Variants in ENO4 observed in about 807,000 individuals in gnomAD.
ENO4 encodes enolase 4.
A neutral mutation model predicts 63.2 loss-of-function variants in ENO4; 53 were observed. The ratio of observed to expected loss-of-function variants is 0.84; its 90% CI spans 0.67 to 1.05. The LOEUF (loss-of-function observed/expected upper bound fraction) is 1.05, where lower values mean the gene tolerates loss of function less well. ENO4 is among the 50% of genes least tolerant of loss of function. The pLI is 0.00. For missense variants in ENO4, 719 were observed against 772.0 expected (o/e 0.93, Z 0.81); for synonymous variants, 266 against 283.8 (o/e 0.94, Z 0.63).
chr10:116,905,794 A>G (rs1847945163), intron 10 of ENO4, among the ~76,000 whole-genome samples: 1 of 152,202 alleles, frequency 6.6e-6, no homozygotes, highest in Non-Finnish European at 1.5e-5. Context: ...TAGTTTTTTG[A>G]AGTCGGCTTC....
chr10:116,907,614 G>A (rs895701100), intron 10 of ENO4, among the ~76,000 whole-genome samples: 1 of 152,146 alleles, frequency 6.6e-6, no homozygotes, highest in Non-Finnish European at 1.5e-5. Flanking sequence ...ATTTCTCAGT[G>A]ATACATAAGG....
In ENO4 at chr10:116,879,911, T is replaced by C. The variant is rs921418890; in HGVS notation, c.1648T>C (p.Ser550Pro). Residue 550 changes from serine (S) to proline (P), a missense_variant, in exon 13 of 14, where the codon TCC becomes CCC. Coordinates refer to ENST00000341276, the MANE Select transcript of ENO4 (RefSeq NM_001242699.2). ...GVRFIKLGGL[S>P]RGERVTKYNR... ...CCGGTTCATCAAGTTGGGGGGTCTT[T>C]CCCGTGGTGAACGAGTGACTAAATA... is the stretch of plus-strand genomic sequence containing the variant. 3 of 1,550,596 alleles carry C rather than the reference T, an allele frequency of 1.9e-6. No homozygotes were observed. In the African/African-American group the frequency reaches 4.1e-5, roughly 21 times the overall value.
In ENO4 at chr10:116,881,520, A is replaced by G. The variant is rs1024329145; in HGVS notation, c.1729A>G (p.Lys577Glu). 3.2e-6 allele frequency: 5 copies of G among 1,539,194 alleles called. No individual in the cohort carries two copies. The East Asian group carries it at 1.2e-4, about 38-fold the overall frequency. ...ELVQNGTLGF[K>E]EEHTFFYFNE... is the part of the protein sequence containing the mutation. The stretch of plus-strand genomic sequence containing the variant: ...TTTATTGTTACTTTAAATAGGTTTC[A>G]AAGAAGAACACACTTTTTTTTACTT... The change falls in exon 14 of 14, where the codon AAA becomes GAA. Residue 577 changes from lysine (K) to glutamate (E), a missense_variant. Transcript: ENST00000341276.
rs75979622 is a variant in ENO4 at position 116,899,823 on chromosome 10, G to T, written c.1195-11676G>T. 9.2e-5 allele frequency among the ~76,000 whole-genome samples: 14 copies of T among 152,286 alleles called. No individual in the cohort carries two copies. The East Asian group carries it at 2.7e-3, about 29-fold the overall frequency. ...TCTATAAAGTAAGAGAATGTGGTTA[G>T]TGTAACAGAGTACTTACTAATAAGT... On this transcript the variant is annotated intron_variant, in intron 10 of 10. Transcript: ENST00000369207.
chr10:116,849,849 C>G, intron 1 of ENO4, 118 bp downstream of exon 1: 1 of 1,192,252 alleles, frequency 8.4e-7, no homozygotes, highest in Non-Finnish European at 1.2e-6. Context: ...CCGCCCGGGC[C>G]CTGGGCCTGC....
intron 10 of ENO4, among the ~76,000 whole-genome samples, chr10:116,899,276 A>G (rs1847635190): frequency 1.3e-5 from 2 of 152,204 alleles, no homozygotes; most frequent in African/African-American, 2.4e-5. Context: ...ATGACGTAGG[A>G]TAAGGGGGAA....
intron 8 of ENO4, 39 bp from the exon 9 acceptor site, chr10:116,871,086 T>TTA (rs1158844466): frequency 6.5e-7 from 1 of 1,537,940 alleles, no homozygotes; most frequent in Non-Finnish European, 8.8e-7. Flanking sequence ...AACCTTAATG[T>TTA]GCTGTATTGA....
rs759636926 is a variant in ENO4, at chr10:116,859,037, T to G, written c.533T>G (p.Leu178Trp). ...KVQEDKGRKE[L>W]EKSLEYSTVP... The stretch of plus-strand genomic sequence containing the variant: ...CAAGAAGATAAGGGGAGAAAAGAAT[T>G]GGAAAAGAGCCTGGAATACTCAACA... Residue 178 changes from leucine to tryptophan, a missense_variant, in exon 4 of 14, where the codon TTG becomes TGG. Physicochemically the swap from Leu to Trp is moderately conservative, Grantham distance 61. Around this residue, in one of 3 missense-constraint regions of ENO4, gnomAD observed 544 missense variants for 583.6 expected, o/e 0.93. Coordinates refer to ENST00000341276, the MANE Select transcript of ENO4 (RefSeq NM_001242699.2). 1 of 1,535,746 alleles carries G rather than the reference T, an allele frequency of 6.5e-7. No individual in the cohort carries two copies. The highest frequency in any genetic ancestry group is 8.7e-7 in the Non-Finnish European group (1 of 1,146,706).
chr10:116,869,011 ATCTC>A (rs960302873), intron 8 of ENO4, among the ~76,000 whole-genome samples: 1 of 152,158 alleles, frequency 6.6e-6, no homozygotes, highest in Admixed American at 6.5e-5. Context: ...GGGAAGTCGA[ATCTC>A]TCTGACAACT....
intron 10 of ENO4, among the ~76,000 whole-genome samples, chr10:116,907,249 C>A (rs1207179802): frequency 6.6e-6 from 1 of 152,136 alleles, no homozygotes; most frequent in Non-Finnish European, 1.5e-5. Flanking sequence ...TCAAAGGAGG[C>A]ACATAATGCT....
chr10:116,865,295 C>G (rs1006172520), intron 7 of ENO4, among the ~76,000 whole-genome samples: 7 of 152,112 alleles, frequency 4.6e-5, no homozygotes, highest in Non-Finnish European at 8.8e-5. Context: ...TCAAGCGATT[C>G]TCCTGCCTCA....
At chr10:116,855,567 T>C in intron 1 of ENO4, 56 bp from the exon 2 acceptor site, 1 of 1,534,942 alleles carries the variant, frequency 6.5e-7, no homozygotes, top group Non-Finnish European at 8.7e-7. Context: ...TTGTGACTTT[T>C]TTCCCCAAAC....
At chr10:116,870,083 TAA>T (rs1846648824) in intron 8 of ENO4, among the ~76,000 whole-genome samples, 1 of 152,180 alleles carries the variant, frequency 6.6e-6, no homozygotes, top group Non-Finnish European at 1.5e-5. Context: ...GTTTGCCAAA[TAA>T]AAGTTTCTTC....
downstream of ENO4, chr10:116,883,255 TTCTC>T (rs1273976853): frequency 1.3e-5 from 2 of 152,188 alleles, no homozygotes; most frequent in Admixed American, 6.5e-5. Context: ...TACTTATACT[TTCTC>T]TCTCTTGTGT....
chr10:116,901,154 T>C, intron 10 of ENO4: 1 of 985,440 alleles, frequency 1.0e-6, no homozygotes, highest in Non-Finnish European at 1.2e-6. Context: ...TGTAGACTAA[T>C]TTCAAAAAAG....
chr10:116,852,610 A>G (rs566308004), intron 1 of ENO4, among the ~76,000 whole-genome samples: 1 of 152,300 alleles, frequency 6.6e-6, no homozygotes, highest in African/African-American at 2.4e-5. Context: ...CACGATACAA[A>G]CAGAGAGTTG....
At position 116,874,127 on chromosome 10, in the gene ENO4, A is replaced by G. The variant is rs1846769520; in HGVS notation, c.1267A>G (p.Met423Val). 1.3e-6 allele frequency: 2 copies of G among 1,549,998 alleles called. No homozygotes were observed. Among genetic ancestry groups the G allele is most frequent in the Non-Finnish European group, 1.7e-6 (2 of 1,146,286 alleles). The change falls in exon 10 of 14, where the codon ATG (methionine) becomes GTG (valine). Residue 423 changes from methionine (M) to valine (V), a missense_variant. By Grantham distance (21) the Met-to-Val change is conservative. Around this residue, in one of 3 missense-constraint regions of ENO4, gnomAD observed 544 missense variants for 583.6 expected, o/e 0.93. Coordinates refer to ENST00000341276, the MANE Select transcript of ENO4 (RefSeq NM_001242699.2). ...GGGCACATACAAAAATGCAGCGGAG[A>G]TGGTTGACCTGTATGTGGATCTGAT... ...IMGTYKNAAE[M>V]VDLYVDLINK...
chr10:116,907,540 G>C (rs973601037), intron 10 of ENO4, among the ~76,000 whole-genome samples: 2 of 152,202 alleles, frequency 1.3e-5, no homozygotes, highest in Non-Finnish European at 2.9e-5. Flanking sequence ...ATGTTACAGA[G>C]TGAGAGCTAT....
chr10:116,861,471 GGTT>G lies in ENO4; in HGVS notation c.936+285_936+287del, dbSNP rs938683409. On this transcript the variant is annotated intron_variant, in intron 6 of 13. Transcript: ENST00000341276. ...TCTGCAGACCTAGAAAGTGCTGGAAGGTTGTTATTTGGGGGCATCTTATTTACT... is the reference window on the plus strand; with the variant it reads ...TCTGCAGACCTAGAAAGTGCTGGAAGGTTATTTGGGGGCATCTTATTTACT... 2.0e-4 allele frequency among the ~76,000 whole-genome samples: 31 copies of G among 152,262 alleles called. No homozygotes were observed. In the South Asian group the frequency reaches 2.3e-3, roughly 11 times the overall value.
Sources: gnomAD v4.1 joint callset for allele counts (sites outside exome capture counted in the v4.1 genomes callset) on GRCh38, gnomAD v4.1.1 for gene constraint, gnomAD v4.1.1 regional missense constraint, MANE v1.5 for transcripts, NCBI Gene and HGNC (gene_info 2026-07-23, HGNC 2026-07-21) for gene names.